Variants in TMTC2 observed in about 807,000 individuals in gnomAD.
The protein encoded by TMTC2 is transmembrane O-mannosyltransferase targeting cadherins 2.
A neutral mutation model predicts 82.4 loss-of-function variants in TMTC2; 43 were observed. The observed-to-expected ratio is 0.52, with a 90% CI of 0.41 to 0.67. The LOEUF is 0.67. Among genes scored for constraint, TMTC2 ranks in the 30% least tolerant of loss-of-function variants. TMTC2 has a pLI of 0.00. For synonymous variants in TMTC2, 408 were observed against 381.9 expected (o/e 1.07, Z -0.80); for missense variants, 919 against 1,012.4 (o/e 0.91, Z 1.25).
intron 10 of TMTC2, among the ~76,000 whole-genome samples, chr12:83,059,963 T>G (rs1882681980): frequency 6.6e-6 from 1 of 151,706 alleles, no homozygotes; most frequent in South Asian, 2.1e-4. Flanking sequence ...AGAAAACCTT[T>G]CCAGGGCATG....
At chr12:83,103,781 T>A (rs1388164567) in intron 11 of TMTC2, among the ~76,000 whole-genome samples, 1 of 152,232 alleles carries the variant, frequency 6.6e-6, no homozygotes, top group Non-Finnish European at 1.5e-5. Flanking sequence ...TCATTCCAGC[T>A]TAACTCAAAA....
At chr12:82,838,608 A>G (rs978259496) in intron 1 of TMTC2, among the ~76,000 whole-genome samples, 5 of 152,170 alleles carry the variant, frequency 3.3e-5, no homozygotes, top group African/African-American at 9.7e-5. Context: ...TGATCTTTAT[A>G]TGTGTGAACC....
Position 82,989,753 on chromosome 12 carries a change from C to CTT in TMTC2, c.2070+3718_2070+3719dup, listed in dbSNP as rs10715720. The stretch of plus-strand genomic sequence containing the variant: ...AGGCTGTTTTATTCTTTTCAGGAGG[C>CTT]TTTTTTTTTTTTCAGATTTAGAAGT... On this transcript the variant is annotated intron_variant, in intron 8 of 11. Transcript: ENST00000321196. Among the ~76,000 whole-genome samples the CTT allele has an allele frequency of 2.1e-5, 3 of 141,934 alleles. No individual in the cohort carries two copies. In the East Asian group the frequency reaches 6.2e-4, roughly 29 times the overall value. 93.1% of individuals were successfully genotyped at this position (141,934 alleles called of 152,430 possible).
chr12:83,062,776 A>G (rs1882790139), intron 11 of TMTC2, among the ~76,000 whole-genome samples: 1 of 151,806 alleles, frequency 6.6e-6, no homozygotes, highest in Non-Finnish European at 1.5e-5. Context: ...TGATTCTTAT[A>G]CAGAGGTATA....
chr12:82,996,242 TTCCTCAA>T, intron 8 of TMTC2, among the ~76,000 whole-genome samples: 1 of 152,200 alleles, frequency 6.6e-6, no homozygotes, highest in African/African-American at 2.4e-5. Flanking sequence ...GTATATAGTT[TTCCTCAA>T]ATGTGAAGTT....
At chr12:82,763,770 A>G (rs1876785165) in intron 1 of TMTC2, among the ~76,000 whole-genome samples, 1 of 152,236 alleles carries the variant, frequency 6.6e-6, no homozygotes, top group South Asian at 2.1e-4. Flanking sequence ...TACCTTTTAA[A>G]GAGAACCAAG....
intron 7 of TMTC2, among the ~76,000 whole-genome samples, chr12:82,977,349 T>C (rs2137322635): frequency 6.6e-6 from 1 of 151,944 alleles, no homozygotes; most frequent in South Asian, 2.1e-4. Flanking sequence ...GATACTCAAA[T>C]ATTAGATGAA....
intron 11 of TMTC2, among the ~76,000 whole-genome samples, chr12:83,071,813 G>A (rs915001929): frequency 3.3e-5 from 5 of 151,982 alleles, no homozygotes; most frequent in African/African-American, 1.2e-4. Flanking sequence ...TAGTAGCCTT[G>A]TATGATCTCT....
chr12:82,784,513 A>G (rs995433166), intron 1 of TMTC2, among the ~76,000 whole-genome samples: 1 of 152,118 alleles, frequency 6.6e-6, no homozygotes, highest in East Asian at 1.9e-4. Context: ...AGAGGGGTAC[A>G]ATTTGATACT....
At chr12:82,965,420 CATG>C (rs1210773320) in intron 5 of TMTC2, 137 bp from the exon 6 acceptor site, 1 of 827,176 alleles carries the variant, frequency 1.2e-6, no homozygotes, top group East Asian at 2.7e-5. Flanking sequence ...TTATTGATCC[CATG>C]AGTATTTGTG....
intron 1 of TMTC2, among the ~76,000 whole-genome samples, chr12:82,782,375 T>C (rs947868927): frequency 5.9e-5 from 9 of 152,160 alleles, no homozygotes; most frequent in Admixed American, 2.0e-4. Context: ...TATCGGATGG[T>C]ACTAAATATA....
chr12:83,061,668 C>T, intron 10 of TMTC2, 100 bp from the exon 11 acceptor site: 3 of 1,038,702 alleles, frequency 2.9e-6, no homozygotes, highest in South Asian at 1.9e-5. Flanking sequence ...TTTGGTGTGA[C>T]CAGAATTTTT....
At position 82,895,966 on chromosome 12, in the gene TMTC2, C is replaced by A. The variant is rs748844519; in HGVS notation, c.803C>A (p.Thr268Asn). Residue 268 changes from threonine to asparagine, a missense_variant, in exon 3 of 12, where the codon ACC becomes AAC. Thr to Asn is a moderately conservative substitution (Grantham distance 65, BLOSUM62 0). Coordinates refer to ENST00000321196, the MANE Select transcript of TMTC2 (RefSeq NM_152588.3). Reference protein sequence around the residue: ...NPAADSDSLLTRTLTFFYLPT... With the variant: ...NPAADSDSLLNRTLTFFYLPT... The stretch of plus-strand genomic sequence containing the variant: ...GCTGCTGATTCGGACAGCCTCCTCA[C>A]CCGCACTCTCACCTTCTTCTACTTG... 34 of 1,613,784 alleles carry A rather than the reference C, an allele frequency of 2.1e-5. No individual in the cohort carries two copies. The South Asian group carries it at 3.0e-4, about 14-fold the overall frequency.
intron 8 of TMTC2, among the ~76,000 whole-genome samples, chr12:83,022,954 T>C (rs754138518): frequency 2.0e-5 from 3 of 152,192 alleles, no homozygotes; most frequent in Non-Finnish European, 4.4e-5. Context: ...CTCAAGTTCA[T>C]GCTAGCGGAC....
At chr12:83,063,598 A>G (rs767069648) in intron 11 of TMTC2, among the ~76,000 whole-genome samples, 1 of 151,926 alleles carries the variant, frequency 6.6e-6, no homozygotes, top group Non-Finnish European at 1.5e-5. Flanking sequence ...ATCCAAACTA[A>G]ATGGAATCAC....
At chr12:82,790,827 CAAAA>C (rs538804442) in intron 1 of TMTC2, among the ~76,000 whole-genome samples, 1 of 87,654 alleles carries the variant, frequency 1.1e-5, no homozygotes. Context: ...AACTCTGTCT[CAAAA>C]AAAAAAAAAA....
chr12:82,772,565 C>G (rs1474183203), intron 1 of TMTC2, among the ~76,000 whole-genome samples: 1 of 152,126 alleles, frequency 6.6e-6, no homozygotes, highest in African/African-American at 2.4e-5. Context: ...AGAAAGTTCT[C>G]CTGAAAGCGT....
intron 1 of TMTC2, among the ~76,000 whole-genome samples, chr12:82,695,489 T>C (rs971737989): frequency 1.5e-4 from 23 of 152,232 alleles, no homozygotes; most frequent in Non-Finnish European, 3.4e-4. Context: ...ACAAAACTGG[T>C]CTTTGAGAGA....
chr12:82,749,254 C>T (rs547570314), intron 1 of TMTC2, among the ~76,000 whole-genome samples: 16 of 152,188 alleles, frequency 1.1e-4, no homozygotes, highest in Non-Finnish European at 1.9e-4. Flanking sequence ...ACACACGTTA[C>T]CCAGAATCAC....
Sources: allele counts gnomAD v4.1 joint callset (sites outside exome capture counted in the v4.1 genomes callset), GRCh38; gene constraint gnomAD v4.1.1; transcripts MANE v1.5; gene names NCBI Gene and HGNC (gene_info 2026-07-23, HGNC 2026-07-21).